Variants in OR4A16 observed in about 807,000 individuals in gnomAD.
OR4A16 encodes the protein olfactory receptor 4A16.
For missense variants in OR4A16, 594 were observed against 390.9 expected (o/e 1.52, Z -4.38); for synonymous variants, 210 against 138.6 (o/e 1.51, Z -3.62).
Position 55,343,355 on chromosome 11 carries a change from CCTT to C in OR4A16, c.156_158del (p.Leu53del), listed in dbSNP as rs1565103478. 3.7e-6 allele frequency: 6 copies of C among 1,613,746 alleles called. No homozygotes were observed. Among genetic ancestry groups the C allele is most frequent in the South Asian group, 1.1e-5 (1 of 91,076 alleles). On this transcript the variant is annotated inframe_deletion, in exon 1 of 1. Transcript: ENST00000314721. Reference sequence around the variant, plus strand: ...TGGGTGACTACTATTGGCAGCCCCTCCTTGGGCTCCCTAATGTACTTCTTCCTT... The same window carrying C: ...TGGGTGACTACTATTGGCAGCCCCTCGGGCTCCCTAATGTACTTCTTCCTT...
chr11:55,343,609 C>G lies in OR4A16; in HGVS notation c.409C>G (p.Leu137Val). Residue 137 changes from leucine to valine, a missense_variant, in exon 1 of 1, where the codon CTG (leucine) becomes GTG (valine). Coordinates refer to ENST00000314721, the MANE Select transcript of OR4A16 (RefSeq NM_001005274.1). ...PLHYLNIMNRLVCILLLVVAM... is the reference protein window; with the variant it reads ...PLHYLNIMNRVVCILLLVVAM... Reference sequence around the variant, plus strand: ...GCACTATTTGAACATCATGAATCGACTGGTTTGCATCCTTCTGTTGGTGGT... The same window carrying G: ...GCACTATTTGAACATCATGAATCGAGTGGTTTGCATCCTTCTGTTGGTGGT... 1.2e-6 allele frequency: 2 copies of G among 1,613,938 alleles called. No homozygotes were observed. The highest frequency in any genetic ancestry group is 2.2e-5 in the South Asian group (2 of 91,082).
rs1315070191 is a variant in OR4A16, at chr11:55,344,039, T to G, written c.839T>G (p.Leu280Trp). The G allele has an allele frequency of 2.5e-6, 4 of 1,612,886 alleles. No individual in the cohort carries two copies. The African/African-American group carries it at 5.3e-5, about 22-fold the overall frequency. The change falls in exon 1 of 1, where the codon TTG becomes TGG. Residue 280 changes from leucine to tryptophan, a missense_variant. Leu to Trp is a moderately conservative substitution (Grantham distance 61). Coordinates refer to ENST00000314721, the MANE Select transcript of OR4A16 (RefSeq NM_001005274.1). The part of the protein sequence containing the change: ...TVFYSIITLM[L>W]NPLIYSLRQS... ...TTTTATTCAATTATCACACTCATGTTGAATCCTTTAATATACTCGTTGAGA... is the reference window on the plus strand; with the variant it reads ...TTTTATTCAATTATCACACTCATGTGGAATCCTTTAATATACTCGTTGAGA...
chr11:55,343,610 T>G lies in OR4A16; in HGVS notation c.410T>G (p.Leu137Arg). The G allele has an allele frequency of 6.2e-7, 1 of 1,600,608 alleles. No individual in the cohort carries two copies. Among genetic ancestry groups the G allele is most frequent in the African/African-American group, 1.3e-5 (1 of 74,420 alleles). The change falls in exon 1 of 1, where the codon CTG becomes CGG. Residue 137 changes from leucine to arginine, a missense_variant. Transcript: ENST00000314721. ...CACTATTTGAACATCATGAATCGACTGGTTTGCATCCTTCTGTTGGTGGTG... is the reference window on the plus strand; with the variant it reads ...CACTATTTGAACATCATGAATCGACGGGTTTGCATCCTTCTGTTGGTGGTG... ...PLHYLNIMNR[L>R]VCILLLVVAM... is the part of the protein sequence containing the mutation.
In OR4A16 at chr11:55,344,066, A is replaced by T. The variant is rs1181881650; in HGVS notation, c.866A>T (p.Gln289Leu). The change falls in exon 1 of 1, where the codon CAA becomes CTA. Residue 289 changes from glutamine to leucine, a missense_variant. Coordinates refer to ENST00000314721, the MANE Select transcript of OR4A16 (RefSeq NM_001005274.1). ...AATCCTTTAATATACTCGTTGAGACAATCAGAGATGAAAAATGCTATGAAA... is the reference window on the plus strand; with the variant it reads ...AATCCTTTAATATACTCGTTGAGACTATCAGAGATGAAAAATGCTATGAAA... ...MLNPLIYSLR[Q>L]SEMKNAMKNL... is the part of the protein sequence containing the mutation. 2 of 1,612,440 alleles carry T rather than the reference A, an allele frequency of 1.2e-6. No individual in the cohort carries two copies. Among genetic ancestry groups the T allele is most frequent in the Non-Finnish European group, 1.7e-6 (2 of 1,179,082 alleles).
chr11:55,343,375 T>C lies in OR4A16; in HGVS notation c.175T>C (p.Phe59Leu). Residue 59 changes from phenylalanine to leucine, a missense_variant, in exon 1 of 1, where the codon TTC (phenylalanine) becomes CTC (leucine). Transcript: ENST00000314721. ...CCCCTCCTTGGGCTCCCTAATGTAC[T>C]TCTTCCTTGCCTACTTGTCACTTAT... ...GSPSLGSLMY[F>L]FLAYLSLMDA... is the part of the protein sequence containing the mutation. The C allele has an allele frequency of 1.9e-6, 3 of 1,613,898 alleles. No homozygotes were observed. The highest frequency in any genetic ancestry group is 2.5e-6 in the Non-Finnish European group (3 of 1,179,880).
Position 55,344,101 on chromosome 11 carries a change from T to A in OR4A16, c.901T>A (p.Cys301Ser). 6.2e-7 allele frequency: 1 copy of A among 1,610,110 alleles called. No individual in the cohort carries two copies. Among genetic ancestry groups the A allele is most frequent in the Non-Finnish European group, 8.5e-7 (1 of 1,178,090 alleles). ...GAAAAATGCTATGAAAAATCTCTGG[T>A]GTGAAAAGTTAAGTATAGTTAGAAA... is the stretch of plus-strand genomic sequence containing the variant. ...EMKNAMKNLWCEKLSIVRKRV... is the reference protein window; with the variant it reads ...EMKNAMKNLWSEKLSIVRKRV... Residue 301 changes from cysteine (C) to serine (S), a missense_variant, in exon 1 of 1, where the codon TGT becomes AGT. By Grantham distance (112) the Cys-to-Ser change is moderately radical. Transcript: ENST00000314721.
chr11:55,344,046 T>C lies in OR4A16; in HGVS notation c.846T>C (p.Pro282=), dbSNP rs1178349752. The C allele has an allele frequency of 1.2e-6, 2 of 1,612,650 alleles. No homozygotes were observed. The highest frequency in any genetic ancestry group is 8.5e-7 in the Non-Finnish European group (1 of 1,179,126). ...CAATTATCACACTCATGTTGAATCC[T>C]TTAATATACTCGTTGAGACAATCAG... The part of the protein sequence containing the change: ...FYSIITLMLN[P]LIYSLRQSEM... The change falls in exon 1 of 1, where the codon CCT becomes CCC. Residue 282 remains proline, a synonymous_variant. Coordinates refer to ENST00000314721, the MANE Select transcript of OR4A16 (RefSeq NM_001005274.1).
rs147336887 is a variant in OR4A16 at position 55,343,465 on chromosome 11, G to T, written c.265G>T (p.Ala89Ser). ...GATAGACTTACTCTGTGATAAAATC[G>T]CTATTTCCTTGTCAGCTTGCATGGG... is the stretch of plus-strand genomic sequence containing the variant. ...LMIDLLCDKI[A>S]ISLSACMGQL... The change falls in exon 1 of 1, where the codon GCT (alanine) becomes TCT (serine). Residue 89 changes from alanine (A) to serine (S), a missense_variant. By Grantham distance (99) the Ala-to-Ser change is moderately conservative. Coordinates refer to ENST00000314721, the MANE Select transcript of OR4A16 (RefSeq NM_001005274.1). The T allele has an allele frequency of 1.9e-6, 3 of 1,596,612 alleles. No individual in the cohort carries two copies. Among genetic ancestry groups the T allele is most frequent in the African/African-American group, 1.3e-5 (1 of 74,364 alleles).
At position 55,344,109 on chromosome 11, in the gene OR4A16, G is replaced by A. The variant is rs76812014; in HGVS notation, c.909G>A (p.Lys303=). Residue 303 remains lysine, a synonymous_variant, in exon 1 of 1, where the codon AAG becomes AAA. Transcript: ENST00000314721. ...CTATGAAAAATCTCTGGTGTGAAAA[G>A]TTAAGTATAGTTAGAAAAAGAGTAT... is the stretch of plus-strand genomic sequence containing the variant. ...KNAMKNLWCE[K]LSIVRKRVSP... The A allele has an allele frequency of 3.7e-6, 6 of 1,600,228 alleles. No individual in the cohort carries two copies. Among genetic ancestry groups the A allele is most frequent in the Non-Finnish European group, 5.1e-6 (6 of 1,174,454 alleles).
rs200380532 is a variant in OR4A16, at chr11:55,343,606, C to T, written c.406C>T (p.Arg136Ter). The change falls in exon 1 of 1, where the codon CGA becomes TGA. Residue 136 changes from arginine to a stop codon, truncating the protein, a stop_gained. Coordinates refer to ENST00000314721, the MANE Select transcript of OR4A16 (RefSeq NM_001005274.1). LOFTEE classifies it low-confidence loss of function (END_TRUNC). Reference protein sequence around the residue: ...KPLHYLNIMNRLVCILLLVVA... With the variant: ...KPLHYLNIMN ...GCTGCACTATTTGAACATCATGAAT[C>T]GACTGGTTTGCATCCTTCTGTTGGT... is the stretch of plus-strand genomic sequence containing the variant. 47 of 1,613,892 alleles carry T rather than the reference C, an allele frequency of 2.9e-5. No individual in the cohort carries two copies. The highest frequency in any genetic ancestry group is 3.6e-5 in the Non-Finnish European group (43 of 1,179,928).
chr11:55,343,237 C>T lies in OR4A16; in HGVS notation c.37C>T (p.Leu13=), dbSNP rs1176728864. The change falls in exon 1 of 1, where the codon CTG becomes TTG. Residue 13 remains leucine, a synonymous_variant. Coordinates refer to ENST00000314721, the MANE Select transcript of OR4A16 (RefSeq NM_001005274.1). The part of the protein sequence containing the change: ...PSSNVTEFVL[L]GLTQDPDVKK... ...CAGCAATGTTACAGAATTTGTCCTC[C>T]TGGGCCTCACTCAAGATCCTGATGT... 12 of 1,610,342 alleles carry T rather than the reference C, an allele frequency of 7.5e-6. No homozygotes were observed. Among genetic ancestry groups the T allele is most frequent in the Non-Finnish European group, 1.0e-5 (12 of 1,178,558 alleles).
In OR4A16 at chr11:55,343,823, T is replaced by C. The variant is rs745983959; in HGVS notation, c.623T>C (p.Ile208Thr). 1.1e-5 allele frequency: 18 copies of C among 1,613,720 alleles called. No homozygotes were observed. The highest frequency in any genetic ancestry group is 1.7e-4 in the Middle Eastern group (1 of 6,028). Residue 208 changes from isoleucine to threonine, a missense_variant, in exon 1 of 1, where the codon ATC becomes ACC. By Grantham distance (89) the Ile-to-Thr change is moderately conservative (BLOSUM62 -1). Transcript: ENST00000314721. ...VANGGIICMV[I>T]FTFLLISCGV... Reference sequence around the variant, plus strand: ...AATGGTGGAATAATTTGTATGGTCATCTTTACCTTTCTGCTAATCTCCTGT... The same window carrying C: ...AATGGTGGAATAATTTGTATGGTCACCTTTACCTTTCTGCTAATCTCCTGT...
rs1412878280 is a variant in OR4A16 at position 55,343,573 on chromosome 11, T to C, written c.373T>C (p.Ser125Pro). Reference protein sequence around the residue: ...VMAYDRYVAISKPLHYLNIMN... With the variant: ...VMAYDRYVAIPKPLHYLNIMN... ...GGCCTATGATCGCTATGTGGCTATC[T>C]CTAAGCCGCTGCACTATTTGAACAT... Residue 125 changes from serine (S) to proline (P), a missense_variant, in exon 1 of 1, where the codon TCT becomes CCT. By Grantham distance (74) the Ser-to-Pro change is moderately conservative. Transcript: ENST00000314721. The C allele has an allele frequency of 1.9e-6, 3 of 1,613,852 alleles. No individual in the cohort carries two copies. The Admixed American group carries it at 5.0e-5, about 27-fold the overall frequency.
At position 55,343,539 on chromosome 11, in the gene OR4A16, G is replaced by T. The variant is rs761456259; in HGVS notation, c.339G>T (p.Leu113Phe). Residue 113 changes from leucine to phenylalanine, a missense_variant, in exon 1 of 1, where the codon TTG becomes TTT. By Grantham distance (22) the Leu-to-Phe change is conservative. Transcript: ENST00000314721. ...HLLGGAEVFL[L>F]VVMAYDRYVA... ...TTGGTGGTGCAGAGGTCTTCCTTTT[G>T]GTGGTGATGGCCTATGATCGCTATG... 14 of 1,613,748 alleles carry T rather than the reference G, an allele frequency of 8.7e-6. No individual in the cohort carries two copies. Among genetic ancestry groups the T allele is most frequent in the Non-Finnish European group, 1.1e-5 (13 of 1,179,894 alleles).
chr11:55,343,980 T>C lies in OR4A16; in HGVS notation c.780T>C (p.Val260=), dbSNP rs749145436. The part of the protein sequence containing the change: ...VPCIFMYVRP[V]SNFPFDKLMT... ...GTATTTTTATGTATGTTAGACCCGT[T>C]TCCAACTTTCCCTTTGATAAATTAA... The change falls in exon 1 of 1, where the codon GTT becomes GTC. Residue 260 remains valine (V), a synonymous_variant. Coordinates refer to ENST00000314721, the MANE Select transcript of OR4A16 (RefSeq NM_001005274.1). 2 of 1,613,672 alleles carry C rather than the reference T, an allele frequency of 1.2e-6. No individual in the cohort carries two copies. Among genetic ancestry groups the C allele is most frequent in the Non-Finnish European group, 1.7e-6 (2 of 1,179,790 alleles).
At position 55,344,036 on chromosome 11, in the gene OR4A16, T is replaced by A; in HGVS notation, c.836T>A (p.Met279Lys). Residue 279 changes from methionine to lysine, a missense_variant, in exon 1 of 1, where the codon ATG (methionine) becomes AAG (lysine). Met to Lys is a moderately conservative substitution (Grantham distance 95, BLOSUM62 -1). Transcript: ENST00000314721. ...GTGTTTTATTCAATTATCACACTCA[T>A]GTTGAATCCTTTAATATACTCGTTG... is the stretch of plus-strand genomic sequence containing the variant. Reference protein sequence around the residue: ...MTVFYSIITLMLNPLIYSLRQ... With the variant: ...MTVFYSIITLKLNPLIYSLRQ... 1.2e-6 allele frequency: 2 copies of A among 1,612,740 alleles called. No homozygotes were observed. The highest frequency in any genetic ancestry group is 1.7e-6 in the Non-Finnish European group (2 of 1,179,018).
Position 55,343,465 on chromosome 11 carries a change from G to C in OR4A16, c.265G>C (p.Ala89Pro), listed in dbSNP as rs147336887. The change falls in exon 1 of 1, where the codon GCT (alanine) becomes CCT (proline). Residue 89 changes from alanine to proline, a missense_variant. Physicochemically the swap from Ala to Pro is conservative, Grantham distance 27. Coordinates refer to ENST00000314721, the MANE Select transcript of OR4A16 (RefSeq NM_001005274.1). The part of the protein sequence containing the change: ...LMIDLLCDKI[A>P]ISLSACMGQL... ...GATAGACTTACTCTGTGATAAAATC[G>C]CTATTTCCTTGTCAGCTTGCATGGG... 70 of 1,597,282 alleles carry C rather than the reference G, an allele frequency of 4.4e-5. No homozygotes were observed. The highest frequency in any genetic ancestry group is 1.7e-4 in the Admixed American group (10 of 59,884).
In OR4A16 at chr11:55,343,266, A is replaced by T. The variant is rs757216411; in HGVS notation, c.66A>T (p.Lys22Asn). 2 of 1,613,034 alleles carry T rather than the reference A, an allele frequency of 1.2e-6. No homozygotes were observed. The highest frequency in any genetic ancestry group is 1.1e-5 in the South Asian group (1 of 91,046). ...LLGLTQDPDV[K>N]KTLFVMFLLI... Reference sequence around the variant, plus strand: ...GCCTCACTCAAGATCCTGATGTGAAAAAAACATTATTTGTCATGTTTTTAC... The same window carrying T: ...GCCTCACTCAAGATCCTGATGTGAATAAAACATTATTTGTCATGTTTTTAC... Residue 22 changes from lysine (K) to asparagine (N), a missense_variant, in exon 1 of 1, where the codon AAA (lysine) becomes AAT (asparagine). Lys to Asn is a moderately conservative substitution (Grantham distance 94). Coordinates refer to ENST00000314721, the MANE Select transcript of OR4A16 (RefSeq NM_001005274.1).
In OR4A16 at chr11:55,343,571, T is replaced by G. The variant is rs544652707; in HGVS notation, c.371T>G (p.Ile124Ser). The change falls in exon 1 of 1, where the codon ATC (isoleucine) becomes AGC (serine). Residue 124 changes from isoleucine (I) to serine (S), a missense_variant. Ile to Ser is a moderately radical substitution (Grantham distance 142). Transcript: ENST00000314721. Reference protein sequence around the residue: ...VVMAYDRYVAISKPLHYLNIM... With the variant: ...VVMAYDRYVASSKPLHYLNIM... ...ATGGCCTATGATCGCTATGTGGCTA[T>G]CTCTAAGCCGCTGCACTATTTGAAC... The G allele has an allele frequency of 6.2e-6, 10 of 1,613,980 alleles. No individual in the cohort carries two copies. In the South Asian group the frequency reaches 9.9e-5, roughly 16 times the overall value.
Sources: gnomAD v4.1 joint callset for allele counts on GRCh38, gnomAD v4.1.1 for gene constraint, MANE v1.5 for transcripts, NCBI Gene and HGNC (gene_info 2026-07-23, HGNC 2026-07-21) for gene names.